The following FNTB variants were observed in gnomAD, a reference collection of about 807,000 sequenced individuals.
FNTB encodes farnesyltransferase, CAAX box, subunit beta.
FNTB carries 27 observed loss-of-function variants against 59.4 expected under a neutral mutation model. That is an observed-to-expected ratio of 0.45 (90% CI 0.34 to 0.63). FNTB has a LOEUF of 0.63. Among genes scored for constraint, FNTB ranks in the 20% least tolerant of loss-of-function variants. The pLI is 0.02. For missense variants in FNTB, 449 were observed against 559.6 expected (o/e 0.80, Z 1.99); for synonymous variants, 230 against 220.7 (o/e 1.04, Z -0.37).
chr14:65,010,475 C>T (rs192918108), intron 2 of FNTB, among the ~76,000 whole-genome samples: 6 of 152,352 alleles, frequency 3.9e-5, no homozygotes, highest in Admixed American at 3.3e-4. Flanking sequence ...ATCCAAAAGT[C>T]AGCTGATCAC....
chr14:64,998,461 A>G (rs1427974059), intron 1 of FNTB, among the ~76,000 whole-genome samples: 1 of 152,210 alleles, frequency 6.6e-6, no homozygotes, highest in Non-Finnish European at 1.5e-5. Context: ...AACAAGTGTG[A>G]CCAGTCTGAG....
chr14:65,003,272 C>G (rs1022740541), intron 1 of FNTB: 18 of 151,952 alleles, frequency 1.2e-4, no homozygotes, highest in African/African-American at 3.9e-4. Flanking sequence ...TATAAATCTC[C>G]CAGATGATTT....
Position 65,023,411 on chromosome 14 carries a change from TC to T in FNTB, c.375-4040del, listed in dbSNP as rs1172032373. ...CATCACCTAAGAGTCCCAAGTAAAC[TC>T]CTTATAAGGCTGAGAGGCAATCGCT... On this transcript the variant is annotated intron_variant, in intron 4 of 11. Transcript: ENST00000246166. This position sits in a 1 kb window ranked among gnomAD's most constrained non-coding sequence, Gnocchi z 4.1. Among the ~76,000 whole-genome samples the T allele has an allele frequency of 6.6e-6, 1 of 152,118 alleles. No homozygotes were observed. The highest frequency in any genetic ancestry group is 2.4e-5 in the African/African-American group (1 of 41,426).
intron 3 of FNTB, among the ~76,000 whole-genome samples, chr14:65,015,261 C>T (rs960718640): frequency 6.6e-6 from 1 of 151,980 alleles, no homozygotes; most frequent in African/African-American, 2.4e-5. Flanking sequence ...CATCACTATG[C>T]CCAGCTAATT....
chr14:65,011,459 A>T lies in FNTB; in HGVS notation c.210-858A>T, dbSNP rs549484663. Among the ~76,000 whole-genome samples, 1 of 150,482 alleles carries T rather than the reference A, an allele frequency of 6.6e-6. No individual in the cohort carries two copies. The highest frequency in any genetic ancestry group is 1.5e-5 in the Non-Finnish European group (1 of 67,834). On this transcript the variant is annotated intron_variant, in intron 2 of 11. Transcript: ENST00000246166. The surrounding 1 kb of genome is among the most constrained non-coding windows in gnomAD (Gnocchi z 4.0). ...AAAAAAAAAAAAAAAAAAAGACTGC[A>T]TGAAGGCTCTTACTCTGAGCCAAGT...
rs1555389704 is a variant in FNTB at position 65,000,838 on chromosome 14, A to AAG, written c.145-3410_145-3409insGA. ...CTCAAAAAAAAAAAAAAAAAAAAAA[A>AAG]AAAGAATAGTTACCCAAAAAGCTGG... On this transcript the variant is annotated intron_variant, in intron 1 of 11. Coordinates refer to ENST00000246166, the MANE Select transcript of FNTB (RefSeq NM_002028.4). Among the ~76,000 whole-genome samples the AAG allele has an allele frequency of 1.3e-3, 148 of 116,090 alleles. 15 individuals are homozygous for AAG. The highest frequency in any genetic ancestry group is 4.3e-3 in the Middle Eastern group (1 of 230). The allele number at this position is 116,090 out of a possible 152,430, so 76.2% of individuals were successfully genotyped here. A position where few individuals can be genotyped will look rare whatever the true frequency, so the allele number is the denominator to read the frequency against.
intron 9 of FNTB, among the ~76,000 whole-genome samples, chr14:65,049,695 T>C (rs1287543581): frequency 6.6e-6 from 1 of 152,218 alleles, no homozygotes; most frequent in Non-Finnish European, 1.5e-5. Flanking sequence ...CTTATAATAA[T>C]AGTCTTTTAT....
At position 65,012,634 on chromosome 14, in the gene FNTB, T is replaced by C. The variant is rs1188802246; in HGVS notation, c.282+245T>C. Among the ~76,000 whole-genome samples the C allele has an allele frequency of 6.6e-6, 1 of 152,194 alleles. No homozygotes were observed. The highest frequency in any genetic ancestry group is 1.5e-5 in the Non-Finnish European group (1 of 68,036). Reference sequence around the variant, plus strand: ...GATGGGGCTTTCTTCTGTTACTAGATGATGACTAAGGGGTTCACGTGCTTT... The same window carrying C: ...GATGGGGCTTTCTTCTGTTACTAGACGATGACTAAGGGGTTCACGTGCTTT... On this transcript the variant is annotated intron_variant, in intron 3 of 11. Transcript: ENST00000246166. The surrounding 1 kb of genome is among the most constrained non-coding windows in gnomAD (Gnocchi z 5.0).
intron 4 of FNTB, among the ~76,000 whole-genome samples, chr14:65,024,941 T>G (rs543081442): frequency 6.6e-4 from 100 of 152,310 alleles, no homozygotes; most frequent in East Asian, 1.5e-3. Context: ...TTGTTTGTTT[T>G]TTTTAAATAT....
At chr14:65,057,115 T>C (rs1269260474) in intron 11 of FNTB, among the ~76,000 whole-genome samples, 1 of 152,140 alleles carries the variant, frequency 6.6e-6, no homozygotes, top group African/African-American at 2.4e-5. Context: ...ACCAAGGCAC[T>C]CCTGAGGGAT....
At chr14:65,041,237 C>T (rs1487210219) in intron 8 of FNTB, among the ~76,000 whole-genome samples, 1 of 152,110 alleles carries the variant, frequency 6.6e-6, no homozygotes, top group Non-Finnish European at 1.5e-5. Flanking sequence ...AAAGAACCTC[C>T]TAAGAGGAAA....
chr14:64,995,560 G>A (rs1888360914), intron 1 of FNTB, among the ~76,000 whole-genome samples: 2 of 151,986 alleles, frequency 1.3e-5, no homozygotes, highest in Admixed American at 1.3e-4. Flanking sequence ...AGTCTTAACG[G>A]GACTGCCGTG....
rs1334391379 is a variant in FNTB, at chr14:65,061,351, C to T, written c.*39C>T. On this transcript the variant is annotated 3_prime_UTR_variant, in exon 12 of 12. Transcript: ENST00000246166. The stretch of plus-strand genomic sequence containing the variant: ...CGGCAGCTCTTTGCTCACCCATCTC[C>T]CCAGTCAGACAAGGTTTATACGTTT... The T allele has an allele frequency of 1.2e-6, 2 of 1,612,094 alleles. No individual in the cohort carries two copies. Among genetic ancestry groups the T allele is most frequent in the Non-Finnish European group, 1.7e-6 (2 of 1,179,742 alleles).
chr14:65,033,499 T>C (rs2062126220), intron 7 of FNTB, among the ~76,000 whole-genome samples: 1 of 152,214 alleles, frequency 6.6e-6, no homozygotes, highest in Non-Finnish European at 1.5e-5. Flanking sequence ...AGCTAGGTCT[T>C]AGATACGTGT....
At chr14:65,056,578 G>A (rs531209129) in intron 11 of FNTB, among the ~76,000 whole-genome samples, 1 of 152,278 alleles carries the variant, frequency 6.6e-6, no homozygotes, top group African/African-American at 2.4e-5. Context: ...GATTACTGGT[G>A]AGGTTGAGAA....
chr14:65,044,487 C>T lies in FNTB; in HGVS notation c.955+44C>T. On this transcript the variant is annotated intron_variant, in intron 9 of 11. Coordinates refer to ENST00000246166, the MANE Select transcript of FNTB (RefSeq NM_002028.4). The surrounding 1 kb of genome is among the most constrained non-coding windows in gnomAD (Gnocchi z 5.5). ...TCACTTGGGGCTGGATGATTTCCCT[C>T]CACTACTCACAAAGTCTGGAAGCCC... 1 of 1,572,564 alleles carries T rather than the reference C, an allele frequency of 6.4e-7. No homozygotes were observed. Among genetic ancestry groups the T allele is most frequent in the Non-Finnish European group, 8.6e-7 (1 of 1,164,254 alleles).
chr14:65,007,925 A>C lies in FNTB; in HGVS notation c.209+3612A>C, dbSNP rs2061620783. Among the ~76,000 whole-genome samples the C allele has an allele frequency of 6.6e-6, 1 of 152,200 alleles. No individual in the cohort carries two copies. The highest frequency in any genetic ancestry group is 2.4e-5 in the African/African-American group (1 of 41,446). On this transcript the variant is annotated intron_variant, in intron 2 of 11. Coordinates refer to ENST00000246166, the MANE Select transcript of FNTB (RefSeq NM_002028.4). The surrounding 1 kb of genome is among the most constrained non-coding windows in gnomAD (Gnocchi z 4.9). The stretch of plus-strand genomic sequence containing the variant: ...TGTGCTAATAGAGCCCTGGAGGTTA[A>C]GTGCTGACAATGGCTCTGAAGCCAG...
rs1209286830 is a variant in FNTB, at chr14:65,028,430, A to T, written c.605+649A>T. 2.0e-5 allele frequency among the ~76,000 whole-genome samples: 3 copies of T among 152,230 alleles called. No homozygotes were observed. The highest frequency in any genetic ancestry group is 7.2e-5 in the African/African-American group (3 of 41,468). On this transcript the variant is annotated intron_variant, in intron 6 of 11. Transcript: ENST00000246166. The surrounding 1 kb of genome is among the most constrained non-coding windows in gnomAD (Gnocchi z 4.4). ...AGCCATTTCTCTAAGACAGTGGCTT[A>T]TTGAGATTTTATGCCATTTTCTTAT...
At position 65,007,595 on chromosome 14, in the gene FNTB, A is replaced by G. The variant is rs1213723591; in HGVS notation, c.209+3282A>G. On this transcript the variant is annotated intron_variant, in intron 2 of 11. Coordinates refer to ENST00000246166, the MANE Select transcript of FNTB (RefSeq NM_002028.4). The surrounding 1 kb of genome is among the most constrained non-coding windows in gnomAD (Gnocchi z 4.9). ...CTTCCCAGAAATGATTTTCTTCTCT[A>G]AGGTTGGGACTGTCTACCTGGAGTG... is the stretch of plus-strand genomic sequence containing the variant. 1.3e-5 allele frequency among the ~76,000 whole-genome samples: 2 copies of G among 152,154 alleles called. No homozygotes were observed. Among genetic ancestry groups the G allele is most frequent in the African/African-American group, 2.4e-5 (1 of 41,430 alleles).
Sources: allele counts gnomAD v4.1 joint callset (sites outside exome capture counted in the v4.1 genomes callset), GRCh38; gene constraint gnomAD v4.1.1; non-coding constraint Gnocchi (gnomAD v3.1); transcripts MANE v1.5; gene names NCBI Gene and HGNC (gene_info 2026-07-23, HGNC 2026-07-21).